The following SHANK2 variants were observed in gnomAD, a reference collection of about 807,000 sequenced individuals.
SHANK2 encodes the protein SH3 and multiple ankyrin repeat domains protein 2.
SHANK2 carries 43 observed loss-of-function variants against 133.7 expected under a neutral mutation model. The observed-to-expected ratio is 0.32, with a 90% CI of 0.25 to 0.41. The LOEUF (loss-of-function observed/expected upper bound fraction) is 0.41, where lower values mean the gene tolerates loss of function less well. SHANK2 is among the 10% of genes least tolerant of loss of function. SHANK2 has a pLI of 1.00. For missense variants in SHANK2, 1,994 were observed against 2,235.8 expected (o/e 0.89, Z 2.18); for synonymous variants, 1,017 against 952.8 (o/e 1.07, Z -1.24).
chr11:70,702,442 TCATCACCAC>T (rs1349551503), intron 14 of SHANK2, among the ~76,000 whole-genome samples: 1 of 151,446 alleles, frequency 6.6e-6, no homozygotes, highest in African/African-American at 2.4e-5. Flanking sequence ...ACCACCAACA[TCATCACCAC>T]CATCATCACT....
chr11:70,520,195 A>C (rs972602884), intron 17 of SHANK2, among the ~76,000 whole-genome samples: 9 of 152,208 alleles, frequency 5.9e-5, no homozygotes, highest in Admixed American at 1.3e-4. Context: ...ATTTGTCACA[A>C]TTAATAAACC....
chr11:70,524,711 G>T (rs1376504258), intron 17 of SHANK2, among the ~76,000 whole-genome samples: 1 of 152,236 alleles, frequency 6.6e-6, no homozygotes, highest in African/African-American at 2.4e-5. Flanking sequence ...AGTAGCAAAT[G>T]CTTCGGATGC....
chr11:70,643,133 C>A (rs973971244), intron 17 of SHANK2, among the ~76,000 whole-genome samples: 2 of 152,196 alleles, frequency 1.3e-5, no homozygotes, highest in Non-Finnish European at 2.9e-5. Context: ...CTTCCTCCAA[C>A]GGGTTACCTT....
intron 15 of SHANK2, among the ~76,000 whole-genome samples, chr11:70,662,931 C>A (rs550537365): frequency 6.6e-6 from 1 of 152,118 alleles, no homozygotes; most frequent in Non-Finnish European, 1.5e-5. Flanking sequence ...GGCACCCCCC[C>A]GCCCCGTAGG....
At chr11:71,203,678 G>A (rs1954066779) in intron 2 of SHANK2, among the ~76,000 whole-genome samples, 1 of 152,340 alleles carries the variant, frequency 6.6e-6, no homozygotes, top group East Asian at 1.9e-4. Flanking sequence ...AATATCCTGT[G>A]TGGTAAGAGT....
chr11:70,500,438 G>A lies in SHANK2; in HGVS notation c.2308+132C>T, dbSNP rs1261697378. 11 of 1,271,678 alleles carry A rather than the reference G, an allele frequency of 8.6e-6. No homozygotes were observed. In the East Asian group the frequency reaches 1.3e-4, roughly 15 times the overall value. The allele number at this position is 1,271,678 out of a possible 1,614,324, so 78.8% of individuals were successfully genotyped here. On this transcript the variant is annotated intron_variant, in intron 21 of 25. Coordinates refer to ENST00000601538, the MANE Select transcript of SHANK2 (RefSeq NM_012309.5). This position sits in a 1 kb window ranked among gnomAD's most constrained non-coding sequence, Gnocchi z 4.5. ...GTGCTCCAGGGCGGCAGGGCTCCTCGGGCAGGACCCAGCAGGAGAAGCCAA... is the reference window on the plus strand; with the variant it reads ...GTGCTCCAGGGCGGCAGGGCTCCTCAGGCAGGACCCAGCAGGAGAAGCCAA...
chr11:70,901,259 G>A (rs1555076690), intron 10 of SHANK2, among the ~76,000 whole-genome samples: 1 of 152,060 alleles, frequency 6.6e-6, no homozygotes, highest in Admixed American at 6.6e-5. Flanking sequence ...ATGGACTATG[G>A]CATTTTTTTA....
intron 10 of SHANK2, among the ~76,000 whole-genome samples, chr11:70,930,834 C>T (rs1182527572): frequency 5.0e-5 from 6 of 118,812 alleles, no homozygotes; most frequent in Non-Finnish European, 7.9e-5. Flanking sequence ...CCACACCCAG[C>T]GGTTTTTTTT....
chr11:71,098,380 G>C (rs1446427975), intron 6 of SHANK2, among the ~76,000 whole-genome samples: 1 of 152,238 alleles, frequency 6.6e-6, no homozygotes, highest in Non-Finnish European at 1.5e-5. Flanking sequence ...AAAATCAAAC[G>C]ACTGGGCAAG....
At chr11:71,147,855 T>C (rs1555107088) in intron 2 of SHANK2, among the ~76,000 whole-genome samples, 1 of 152,106 alleles carries the variant, frequency 6.6e-6, no homozygotes, top group African/African-American at 2.4e-5. Context: ...ATAGGTACCG[T>C]GTAAAAACAG....
At chr11:70,820,823 G>A (rs1441916287) in intron 11 of SHANK2, 141 bp from the exon 12 acceptor site, 11 of 547,210 alleles carry the variant, frequency 2.0e-5, no homozygotes, top group East Asian at 1.5e-4. Context: ...GTTCTGGGCC[G>A]AGACCCCAGC....
chr11:71,085,457 A>AAT (rs1314983942), intron 8 of SHANK2, among the ~76,000 whole-genome samples: 2,785 of 126,532 alleles, frequency 0.022, 116 homozygotes, highest in African/African-American at 0.078. Context: ...CTCCATCTTA[A>AAT]ATATATATAT....
rs573300445 is a variant in SHANK2 at position 70,946,580 on chromosome 11, C to G, written c.1108-50013G>C. Among the ~76,000 whole-genome samples the G allele has an allele frequency of 5.3e-5, 8 of 150,282 alleles. No individual in the cohort carries two copies. The South Asian group carries it at 1.5e-3, about 28-fold the overall frequency. On this transcript the variant is annotated intron_variant, in intron 10 of 25. Transcript: ENST00000601538. ...GTCAGCCTTCCTCTCCACTAACCAA[C>G]ACTTCCCAGGATCAGCCTCCCTCTC...
At chr11:71,111,535 C>G (rs1409436702) in intron 5 of SHANK2, among the ~76,000 whole-genome samples, 1 of 152,226 alleles carries the variant, frequency 6.6e-6, no homozygotes. Flanking sequence ...GGACTTGGCA[C>G]CCTTCCGCCT....
intron 17 of SHANK2, among the ~76,000 whole-genome samples, chr11:70,590,861 C>T (rs1300268950): frequency 3.3e-5 from 5 of 152,142 alleles, no homozygotes; most frequent in African/African-American, 1.2e-4. Flanking sequence ...CCCAGGTCGG[C>T]CTGTGCAGAA....
chr11:70,946,103 C>T (rs1376331947), intron 10 of SHANK2, among the ~76,000 whole-genome samples: 1 of 149,882 alleles, frequency 6.7e-6, no homozygotes, highest in Non-Finnish European at 1.5e-5. Flanking sequence ...TCTCCACTAA[C>T]CAACCCTTCC....
intron 2 of SHANK2, among the ~76,000 whole-genome samples, chr11:71,151,743 G>A (rs1952801248): frequency 6.6e-6 from 1 of 152,188 alleles, no homozygotes; most frequent in Non-Finnish European, 1.5e-5. Flanking sequence ...GCCCACACTG[G>A]TTCTGCCCCA....
intron 3 of SHANK2, among the ~76,000 whole-genome samples, chr11:71,140,795 C>T (rs56255416): frequency 0.06 from 9,070 of 151,964 alleles, 591 homozygotes; most frequent in African/African-American, 0.17. Flanking sequence ...GGGAGACGTG[C>T]TTCTGACTCA....
chr11:70,918,249 A>G (rs1950297205), intron 10 of SHANK2, among the ~76,000 whole-genome samples: 1 of 152,202 alleles, frequency 6.6e-6, no homozygotes, highest in South Asian at 2.1e-4. Flanking sequence ...TAGGGAAGAA[A>G]GGTCACTAGA....
Sources: allele counts gnomAD v4.1 joint callset (sites outside exome capture counted in the v4.1 genomes callset), GRCh38; gene constraint gnomAD v4.1.1; non-coding constraint Gnocchi (gnomAD v3.1); transcripts MANE v1.5; gene names NCBI Gene and HGNC (gene_info 2026-07-23, HGNC 2026-07-21).